The following DLG1 variants were observed in gnomAD, a reference collection of about 807,000 sequenced individuals.
The protein encoded by DLG1 is discs large MAGUK scaffold protein 1.
Under a neutral mutation model 123.4 loss-of-function variants are expected in DLG1, and 42 were observed. The observed-to-expected ratio is 0.34, with a 90% CI of 0.27 to 0.44. The LOEUF (loss-of-function observed/expected upper bound fraction) is 0.44, where lower values mean the gene tolerates loss of function less well. Among genes scored for constraint, DLG1 ranks in the 20% least tolerant of loss-of-function variants. The pLI is 1.00. For synonymous variants in DLG1, 317 were observed against 356.2 expected (o/e 0.89, Z 1.24); for missense variants, 942 against 1,082.6 (o/e 0.87, Z 1.82).
intron 14 of DLG1, among the ~76,000 whole-genome samples, chr3:197,103,406 T>TTAG (rs1480135303): frequency 3.3e-5 from 5 of 152,136 alleles, no homozygotes; most frequent in African/African-American, 7.2e-5. Flanking sequence ...CTGTCTATAA[T>TTAG]ACTAAGGAAC....
At chr3:197,194,371 G>A in intron 5 of DLG1, 54 bp downstream of exon 5, 2 of 1,236,538 alleles carry the variant, frequency 1.6e-6, no homozygotes, top group South Asian at 1.8e-5. Context: ...TGAGCTATAT[G>A]TATAACAAAA....
chr3:197,215,475 G>A (rs1733643376), intron 4 of DLG1, among the ~76,000 whole-genome samples: 1 of 152,096 alleles, frequency 6.6e-6, no homozygotes, highest in Admixed American at 6.5e-5. Context: ...CTTCTAGTAT[G>A]TAAGGATAGT....
At chr3:197,233,869 G>A (rs1744590575) in intron 4 of DLG1, among the ~76,000 whole-genome samples, 2 of 152,216 alleles carry the variant, frequency 1.3e-5, no homozygotes, top group African/African-American at 4.8e-5. Context: ...ATCTCATACA[G>A]TTTGCTTCAG....
At chr3:197,145,781 T>A (rs1790427799) in intron 6 of DLG1, among the ~76,000 whole-genome samples, 1 of 150,306 alleles carries the variant, frequency 6.7e-6, no homozygotes, top group Non-Finnish European at 1.5e-5. Context: ...GCTTTTTAGG[T>A]AGCACTGAGT....
intron 4 of DLG1, among the ~76,000 whole-genome samples, chr3:197,246,130 G>C (rs566013420): frequency 2.0e-5 from 3 of 152,096 alleles, no homozygotes; most frequent in Non-Finnish European, 2.9e-5. Context: ...TGAGCGGACC[G>C]ATTATTGGGC....
At chr3:197,112,895 G>GT (rs1304751297) in intron 13 of DLG1, among the ~76,000 whole-genome samples, 7 of 152,072 alleles carry the variant, frequency 4.6e-5, no homozygotes, top group African/African-American at 9.7e-5. Flanking sequence ...GTCACCCAGC[G>GT]TATTTGGTTT....
intron 4 of DLG1, among the ~76,000 whole-genome samples, chr3:197,273,232 A>T (rs191977847): frequency 0.016 from 2,160 of 138,952 alleles, 19 homozygotes; most frequent in East Asian, 0.046. Flanking sequence ...ATATATATAT[A>T]TTTTTTTCTT....
At chr3:197,109,341 G>C (rs1440901840) in intron 13 of DLG1, among the ~76,000 whole-genome samples, 1 of 152,220 alleles carries the variant, frequency 6.6e-6, no homozygotes, top group Non-Finnish European at 1.5e-5. Context: ...ACTCCAGCCT[G>C]GGGGACAGAG....
chr3:197,148,095 A>T (rs1302036058), intron 6 of DLG1, among the ~76,000 whole-genome samples: 2 of 151,586 alleles, frequency 1.3e-5, no homozygotes, highest in African/African-American at 4.9e-5. Flanking sequence ...CATTTATAAC[A>T]GCATCGTAAG....
At chr3:197,159,557 G>A in intron 5 of DLG1, among the ~76,000 whole-genome samples, 1 of 152,120 alleles carries the variant, frequency 6.6e-6, no homozygotes, top group South Asian at 2.1e-4. Context: ...ATGTAAAGTA[G>A]TGGATCTTTT....
At chr3:197,262,619 A>G (rs1419832781) in intron 4 of DLG1, among the ~76,000 whole-genome samples, 3 of 152,170 alleles carry the variant, frequency 2.0e-5, no homozygotes, top group African/African-American at 7.2e-5. Context: ...TGAGCCCCCA[A>G]CCTGTGGGAT....
chr3:197,283,041 G>A (rs1396161854), intron 3 of DLG1, among the ~76,000 whole-genome samples, 196 bp from the exon 4 acceptor site: 1 of 152,152 alleles, frequency 6.6e-6, no homozygotes, highest in Non-Finnish European at 1.5e-5. Context: ...AGGGCACAGT[G>A]TAAAATTCAT....
intron 3 of DLG1, among the ~76,000 whole-genome samples, chr3:197,284,484 G>A (rs986825970): frequency 9.2e-5 from 14 of 152,198 alleles, no homozygotes; most frequent in African/African-American, 3.1e-4. Flanking sequence ...TTTAACTTGA[G>A]TACAACTCTA....
At chr3:197,199,326 C>G (rs1724371656) in intron 4 of DLG1, among the ~76,000 whole-genome samples, 1 of 152,154 alleles carries the variant, frequency 6.6e-6, no homozygotes, top group African/African-American at 2.4e-5. Flanking sequence ...ATTTTCAAAA[C>G]TTTTTGAGCA....
Position 197,203,957 on chromosome 3 carries a change from C to G in DLG1, c.319-9368G>C, listed in dbSNP as rs1727203498. Among the ~76,000 whole-genome samples the G allele has an allele frequency of 2.6e-5, 4 of 152,150 alleles. 1 individual carries two copies. Among genetic ancestry groups the G allele is most frequent in the Admixed American group, 2.6e-4 (4 of 15,286 alleles). ...AATCTATCCTATGCAAAGAGTCATA[C>G]TGGGTTAGGAATGAATCTCTCTGTG... is the stretch of plus-strand genomic sequence containing the variant. On this transcript the variant is annotated intron_variant, in intron 4 of 24. Coordinates refer to ENST00000667157, the MANE Select transcript of DLG1 (RefSeq NM_001366207.1).
intron 4 of DLG1, among the ~76,000 whole-genome samples, chr3:197,281,358 G>C (rs1220640549): frequency 6.6e-6 from 1 of 152,114 alleles, no homozygotes; most frequent in Non-Finnish European, 1.5e-5. Flanking sequence ...TCTTTTATAA[G>C]GGCCTTAATC....
intron 11 of DLG1, among the ~76,000 whole-genome samples, chr3:197,129,353 A>C (rs1336662896): frequency 6.6e-6 from 1 of 152,156 alleles, no homozygotes; most frequent in Non-Finnish European, 1.5e-5. Context: ...TGCTAGCCTC[A>C]CATTTCTCTT....
At chr3:197,131,412 A>C (rs1439057008) in intron 10 of DLG1, among the ~76,000 whole-genome samples, 1 of 151,754 alleles carries the variant, frequency 6.6e-6, no homozygotes, top group Non-Finnish European at 1.5e-5. Flanking sequence ...ATTTTTTTTC[A>C]ATTATTTTTT....
chr3:197,146,259 A>T (rs189903197), intron 6 of DLG1, among the ~76,000 whole-genome samples: 74 of 152,246 alleles, frequency 4.9e-4, no homozygotes, highest in African/African-American at 1.6e-3. Flanking sequence ...TGCAATTCCC[A>T]CCAAAATACC....
Sources: gnomAD v4.1 joint callset for allele counts (sites outside exome capture counted in the v4.1 genomes callset) on GRCh38, gnomAD v4.1.1 for gene constraint, MANE v1.5 for transcripts, NCBI Gene and HGNC (gene_info 2026-07-23, HGNC 2026-07-21) for gene names.